Variants in IL17B observed in about 807,000 individuals in gnomAD.
IL17B encodes interleukin-17B.
IL17B carries 14 observed loss-of-function variants against 14.7 expected under a neutral mutation model. That is an observed-to-expected ratio of 0.95 (90% CI 0.63 to 1.49). The LOEUF (loss-of-function observed/expected upper bound fraction) is 1.49, where lower values mean the gene tolerates loss of function less well. IL17B is among the 40% of genes most tolerant of loss of function. IL17B has a pLI of 0.00. For missense variants in IL17B, 233 were observed against 252.8 expected (o/e 0.92, Z 0.53); for synonymous variants, 105 against 94.8 (o/e 1.11, Z -0.62).
upstream of IL17B, among the ~76,000 whole-genome samples, chr5:149,382,148 C>A (rs1275712696): frequency 6.6e-6 from 1 of 152,238 alleles, no homozygotes; most frequent in Non-Finnish European, 1.5e-5. Flanking sequence ...CCAAGAGCGG[C>A]CCGGGACTGA....
At chr5:149,378,518 T>C (rs953376889) in intron 1 of IL17B, among the ~76,000 whole-genome samples, 1 of 152,296 alleles carries the variant, frequency 6.6e-6, no homozygotes, top group Admixed American at 6.5e-5. Context: ...TCCTCTTAAA[T>C]TGAGATAGGC....
intron 1 of IL17B, among the ~76,000 whole-genome samples, chr5:149,378,655 G>A (rs1003925337): frequency 4.6e-5 from 7 of 152,214 alleles, no homozygotes; most frequent in Admixed American, 3.3e-4. Flanking sequence ...TCTTGGCAGA[G>A]GTATTTGCTG....
At chr5:149,380,715 G>A (rs978047615), upstream of IL17B, among the ~76,000 whole-genome samples, 27 of 152,308 alleles carry the variant, frequency 1.8e-4, no homozygotes, top group African/African-American at 5.3e-4. Flanking sequence ...TACTGAGGAC[G>A]GCCCTGTCGT....
intron 2 of IL17B, among the ~76,000 whole-genome samples, chr5:149,375,731 A>T (rs562624968): frequency 1.1e-3 from 164 of 150,274 alleles, no homozygotes; most frequent in South Asian, 1.9e-3. Context: ...TACAAAAAAT[A>T]AAAAAAAAAT....
At chr5:149,396,324 T>C (rs1335253045) in intron 1 of IL17B, among the ~76,000 whole-genome samples, 1 of 152,260 alleles carries the variant, frequency 6.6e-6, no homozygotes, top group Admixed American at 6.5e-5. Context: ...ACATGAATTG[T>C]ATATAGTTGA....
intron 1 of IL17B, among the ~76,000 whole-genome samples, chr5:149,400,596 C>T (rs1759185851): frequency 6.6e-6 from 1 of 152,186 alleles, no homozygotes. Context: ...GTGGAGCTCC[C>T]CCTCCAGAGT....
At chr5:149,375,749 G>A (rs1344832118) in intron 2 of IL17B, among the ~76,000 whole-genome samples, 1 of 152,082 alleles carries the variant, frequency 6.6e-6, no homozygotes, top group Non-Finnish European at 1.5e-5. Flanking sequence ...AATCAGCCAG[G>A]TATGCCTGTG....
At chr5:149,380,578 T>A (rs1325534008), upstream of IL17B, among the ~76,000 whole-genome samples, 3 of 151,944 alleles carry the variant, frequency 2.0e-5, no homozygotes, top group African/African-American at 7.3e-5. Flanking sequence ...ACTGACCACC[T>A]CCTCTGGCCA....
chr5:149,395,359 A>T (rs928533484), intron 1 of IL17B, among the ~76,000 whole-genome samples: 6 of 152,140 alleles, frequency 3.9e-5, no homozygotes, highest in Admixed American at 3.9e-4. Context: ...TTTATGGTAG[A>T]ACTATTTATA....
At chr5:149,379,353 T>A (rs1198790029), upstream of IL17B, 1 of 1,112,554 alleles carries the variant, frequency 9.0e-7, no homozygotes, top group African/African-American at 1.6e-5. Context: ...GGGGAGTGAG[T>A]GGGTGGGCTC....
At chr5:149,390,630 CAG>C (rs1554108482) in intron 1 of IL17B, among the ~76,000 whole-genome samples, 9 of 132,000 alleles carry the variant, frequency 6.8e-5, no homozygotes, top group South Asian at 2.5e-4. Context: ...CACACACACA[CAG>C]AGATACACAA....
intron 1 of IL17B, among the ~76,000 whole-genome samples, chr5:149,399,283 T>A (rs1281810740): frequency 6.6e-6 from 1 of 152,114 alleles, no homozygotes; most frequent in African/African-American, 2.4e-5. Context: ...GCATCAGGGA[T>A]CTCAGCCACA....
At chr5:149,404,135 T>C (rs375388) in exon 1 of IL17B, 69,997 of 152,104 alleles carry the variant, frequency 0.46, 17,439 homozygotes, top group Admixed American at 0.56. Context: ...ACCTGTTTTC[T>C]CTAGGAATGG....
In IL17B at chr5:149,387,725, G is replaced by A. The variant is rs576413852; in HGVS notation, n.96-10700C>T. 2.7e-4 allele frequency among the ~76,000 whole-genome samples: 39 copies of A among 142,224 alleles called. No individual in the cohort carries two copies. The South Asian group carries it at 4.7e-3, about 17-fold the overall frequency. 93.3% of individuals were successfully genotyped at this position (142,224 alleles called of 152,430 possible). A position where few individuals can be genotyped will look rare whatever the true frequency, so the allele number is the denominator to read the frequency against. ...CAATAGGTCAAGGCTGCAGTGAGCC[G>A]AGATCACACCACAGCACTCCAGCCT... On this transcript the variant is annotated intron_variant and non_coding_transcript_variant, in intron 1 of 2. Coordinates refer to the IL17B transcript ENST00000505432.
rs187588302 is a variant in IL17B, at chr5:149,387,612, A to T, written n.96-10587T>A. 6.2e-3 allele frequency among the ~76,000 whole-genome samples: 938 copies of T among 150,212 alleles called. 7 individuals carry two copies. Among genetic ancestry groups the T allele is most frequent in the Non-Finnish European group, 9.9e-3 (670 of 67,564 alleles). ...AGCGAGATCCTCGTCTCTACAAAAA[A>T]ATAATTTAAAAATTAGCCAGGCGTG... is the stretch of plus-strand genomic sequence containing the variant. On this transcript the variant is annotated intron_variant and non_coding_transcript_variant, in intron 1 of 2. Coordinates refer to the IL17B transcript ENST00000505432.
chr5:149,386,808 C>T (rs762975492), intron 1 of IL17B, among the ~76,000 whole-genome samples: 10 of 152,290 alleles, frequency 6.6e-5, no homozygotes, highest in South Asian at 2.1e-4. Context: ...CGGGTTCAAG[C>T]GATTCTCATG....
At chr5:149,396,762 C>CA (rs930432527) in intron 1 of IL17B, among the ~76,000 whole-genome samples, 5 of 151,392 alleles carry the variant, frequency 3.3e-5, no homozygotes, top group South Asian at 2.1e-4. Flanking sequence ...AACCCTGACT[C>CA]AAAAAAAATA....
intron 1 of IL17B, among the ~76,000 whole-genome samples, chr5:149,390,224 C>CCCA (rs1554108449): frequency 6.8e-6 from 1 of 146,546 alleles, no homozygotes; most frequent in Non-Finnish European, 1.5e-5. Flanking sequence ...GTGACCCCCC[C>CCCA]CCTCCCTGTC....
chr5:149,392,097 G>C (rs573167598), intron 1 of IL17B, among the ~76,000 whole-genome samples: 1 of 152,226 alleles, frequency 6.6e-6, no homozygotes, highest in Non-Finnish European at 1.5e-5. Context: ...GGTGGGTAAC[G>C]GGATAGAGTA....
Sources: gnomAD v4.1 joint callset for allele counts (sites outside exome capture counted in the v4.1 genomes callset) on GRCh38, gnomAD v4.1.1 for gene constraint, MANE v1.5 for transcripts, NCBI Gene and HGNC (gene_info 2026-07-23, HGNC 2026-07-21) for gene names.